UGCG: variants seen among roughly 807,000 people sequenced by gnomAD.
UGCG encodes UDP-glucose ceramide glucosyltransferase, also known as ceramide glucosyltransferase.
A neutral mutation model predicts 49.5 loss-of-function variants in UGCG; 10 were observed. The ratio of observed to expected loss-of-function variants is 0.20; its 90% CI spans 0.12 to 0.34. The LOEUF (loss-of-function observed/expected upper bound fraction) is 0.34, where lower values mean the gene tolerates loss of function less well. Ranked by LOEUF, UGCG falls within the 10% of genes least tolerant of loss-of-function variation. The pLI, the probability that UGCG is intolerant of heterozygous loss-of-function variation, is 1.00. For missense variants in UGCG, 312 were observed against 483.7 expected (o/e 0.65, Z 3.33); for synonymous variants, 182 against 158.2 (o/e 1.15, Z -1.13).
At chr9:111,905,643 G>A (rs1429737106) in intron 1 of UGCG, among the ~76,000 whole-genome samples, 7 of 151,742 alleles carry the variant, frequency 4.6e-5, no homozygotes, top group African/African-American at 1.5e-4. Flanking sequence ...TAGTAGAGAC[G>A]GGGTTTCACC....
Position 111,924,884 on chromosome 9 carries a change from G to C in UGCG, c.445+6G>C. The C allele has an allele frequency of 2.1e-6, 3 of 1,425,554 alleles. No individual in the cohort carries two copies. Among genetic ancestry groups the C allele is most frequent in the Non-Finnish European group, 2.8e-6 (3 of 1,078,552 alleles). 88.3% of individuals were successfully genotyped at this position (1,425,554 alleles called of 1,614,324 possible). On this transcript the variant is annotated splice_donor_region_variant and intron_variant, in intron 4 of 8. Transcript: ENST00000374279. ...TTGTGATAGTGGAATAAGAGGTGAG[G>C]TTTTTTTCTTATTTATTTTATAAAA...
intron 1 of UGCG, among the ~76,000 whole-genome samples, chr9:111,910,045 A>G (rs10759516): frequency 0.46 from 70,246 of 152,084 alleles, 17,165 homozygotes; most frequent in African/African-American, 0.62. Context: ...GTGGCTGTTG[A>G]GAGAGTCAGA....
At chr9:111,909,816 A>C (rs1336785594) in intron 1 of UGCG, among the ~76,000 whole-genome samples, 1 of 152,242 alleles carries the variant, frequency 6.6e-6, no homozygotes, top group Non-Finnish European at 1.5e-5. Context: ...TATGTAAGTC[A>C]AAACAGTATT....
chr9:111,897,224 G>A lies in UGCG; in HGVS notation c.9G>A (p.Leu3=), dbSNP rs766276196. The change falls in exon 1 of 9, where the codon CTG becomes CTA. Residue 3 remains leucine, a synonymous_variant. Coordinates refer to ENST00000374279, the MANE Select transcript of UGCG (RefSeq NM_003358.3). ...GTCCGGCGGGCCGGGGGATGGCGCT[G>A]CTGGACCTGGCCTTGGAGGGAATGG... MA[L]LDLALEGMAV... The A allele has an allele frequency of 1.5e-4, 230 of 1,548,030 alleles. 3 individuals carry two copies. The South Asian group carries it at 2.7e-3, about 18-fold the overall frequency.
intron 1 of UGCG, among the ~76,000 whole-genome samples, chr9:111,913,292 T>C (rs1589521886): frequency 6.6e-6 from 1 of 152,218 alleles, no homozygotes; most frequent in East Asian, 1.9e-4. Flanking sequence ...GAGACTTGTT[T>C]ATGAGAAGTA....
chr9:111,897,736 C>CT (rs1200768449), intron 1 of UGCG, among the ~76,000 whole-genome samples: 2 of 151,820 alleles, frequency 1.3e-5, no homozygotes, highest in Non-Finnish European at 2.9e-5. Context: ...TCACAGCTAT[C>CT]TGGACACCTC....
At chr9:111,910,860 C>G (rs1204839205) in intron 1 of UGCG, among the ~76,000 whole-genome samples, 1 of 152,170 alleles carries the variant, frequency 6.6e-6, no homozygotes, top group Non-Finnish European at 1.5e-5. Flanking sequence ...ATTCTCATGC[C>G]TCAGCCTTCC....
At chr9:111,914,801 T>A (rs1838083155) in intron 2 of UGCG, 55 bp downstream of exon 2, 2 of 1,602,350 alleles carry the variant, frequency 1.2e-6, no homozygotes, top group South Asian at 2.2e-5. Context: ...GTTCCCCTCA[T>A]GATAAACATT....
intron 2 of UGCG, among the ~76,000 whole-genome samples, chr9:111,919,493 A>G (rs1014771999): frequency 6.6e-6 from 1 of 151,362 alleles, no homozygotes; most frequent in Admixed American, 6.6e-5. Context: ...AAAAAAAACC[A>G]TTAAAGATAC....
intron 1 of UGCG, among the ~76,000 whole-genome samples, chr9:111,901,377 C>G (rs1036710621): frequency 1.3e-5 from 2 of 152,200 alleles, no homozygotes; most frequent in Non-Finnish European, 1.5e-5. Context: ...TGCCAATGCC[C>G]TTGGACTGTG....
In UGCG at chr9:111,933,151, GAAAA is replaced by G. The variant is rs57039844; in HGVS notation, c.*165_*168del. 2 of 417,120 alleles carry G rather than the reference GAAAA, an allele frequency of 4.8e-6. No individual in the cohort carries two copies. Among genetic ancestry groups the G allele is most frequent in the Non-Finnish European group, 7.2e-6 (2 of 277,924 alleles). The allele number at this position is 417,120 out of a possible 1,614,324, so 25.8% of individuals were successfully genotyped here. On this transcript the variant is annotated 3_prime_UTR_variant, in exon 9 of 9. Transcript: ENST00000374279. Reference sequence around the variant, plus strand: ...ATTTTTGCATGGCACTTGCATCTGTGAAAAAAAAAAAAAACACATCTGTAGTCTT... The same window carrying G: ...ATTTTTGCATGGCACTTGCATCTGTGAAAAAAAAAACACATCTGTAGTCTT...
chr9:111,923,671 C>T (rs1838268458), intron 3 of UGCG, among the ~76,000 whole-genome samples: 1 of 151,068 alleles, frequency 6.6e-6, no homozygotes, highest in Admixed American at 6.6e-5. Context: ...TTGCTCTTAT[C>T]ACCCGGGCTG....
At chr9:111,918,189 A>G (rs1838145988) in intron 2 of UGCG, among the ~76,000 whole-genome samples, 2 of 152,014 alleles carry the variant, frequency 1.3e-5, no homozygotes. Flanking sequence ...TTACAGGCGC[A>G]TGCCACTACC....
At chr9:111,922,651 G>A (rs1838247340) in intron 2 of UGCG, among the ~76,000 whole-genome samples, 198 bp from the exon 3 acceptor site, 1 of 152,108 alleles carries the variant, frequency 6.6e-6, no homozygotes, top group African/African-American at 2.4e-5. Context: ...CTTGCAGATA[G>A]GCTCCTAATT....
rs1379558101 is a variant in UGCG, at chr9:111,914,587, A to G, written c.99-18A>G. 4 of 1,610,898 alleles carry G rather than the reference A, an allele frequency of 2.5e-6. No individual in the cohort carries two copies. The highest frequency in any genetic ancestry group is 3.3e-4 in the Middle Eastern group (2 of 6,040). On this transcript the variant is annotated intron_variant, in intron 1 of 8. Transcript: ENST00000374279. ...AATGTATTCTATAGAAATAATTTTT[A>G]TATCATTTGCTTTTTAGCCGATTAC...
intron 5 of UGCG, among the ~76,000 whole-genome samples, chr9:111,926,760 T>C (rs575483347): frequency 1.3e-5 from 2 of 151,972 alleles, no homozygotes; most frequent in Admixed American, 6.6e-5. Flanking sequence ...CAGTCTAACC[T>C]CTTGCCTTGT....
intron 7 of UGCG, chr9:111,931,966 C>T: frequency 1.7e-6 from 1 of 571,834 alleles, no homozygotes; most frequent in South Asian, 2.2e-5. Flanking sequence ...GAGATTGAAG[C>T]TACAGTGAGT....
chr9:111,906,302 A>AC (rs1837881063), intron 1 of UGCG, among the ~76,000 whole-genome samples: 1 of 152,144 alleles, frequency 6.6e-6, no homozygotes, highest in Non-Finnish European at 1.5e-5. Context: ...ACCCAGGTAT[A>AC]CCCCTCATTA....
Position 111,933,097 on chromosome 9 carries a change from T to G in UGCG, c.*100T>G. On this transcript the variant is annotated 3_prime_UTR_variant, in exon 9 of 9. Coordinates refer to ENST00000374279, the MANE Select transcript of UGCG (RefSeq NM_003358.3). ...ATCTACCTTCTGTAGTTTTATCACA[T>G]GTATGTTTTGGTATCTGTTCTTTAA... is the stretch of plus-strand genomic sequence containing the variant. 1 of 1,146,220 alleles carries G rather than the reference T, an allele frequency of 8.7e-7. No individual in the cohort carries two copies. The highest frequency in any genetic ancestry group is 1.1e-6 in the Non-Finnish European group (1 of 895,208). The allele number at this position is 1,146,220 out of a possible 1,614,324, so 71.0% of individuals were successfully genotyped here. A position where few individuals can be genotyped will look rare whatever the true frequency, so the allele number is the denominator to read the frequency against.
Sources: gnomAD v4.1 joint callset for allele counts (sites outside exome capture counted in the v4.1 genomes callset) on GRCh38, gnomAD v4.1.1 for gene constraint, MANE v1.5 for transcripts, NCBI Gene and HGNC (gene_info 2026-07-23, HGNC 2026-07-21) for gene names.